The following TAMALIN variants were observed in gnomAD, a reference collection of about 807,000 sequenced individuals.
TAMALIN encodes protein TAMALIN.
In TAMALIN, 9 loss-of-function variants were observed where a neutral mutation model predicts 38.5. That is an observed-to-expected ratio of 0.23 (90% CI 0.14 to 0.41). The LOEUF is 0.41. Ranked by LOEUF, TAMALIN falls within the 10% of genes least tolerant of loss-of-function variation. The pLI, the probability that TAMALIN is intolerant of heterozygous loss-of-function variation, is 1.00. For missense variants in TAMALIN, 548 were observed against 554.1 expected (o/e 0.99, Z 0.11); for synonymous variants, 306 against 256.5 (o/e 1.19, Z -1.85).
Position 52,007,229 on chromosome 12 carries a change from G to C in TAMALIN, c.210G>C (p.Ala70=). The C allele has an allele frequency of 7.0e-7, 1 of 1,432,386 alleles. No homozygotes were observed. Among genetic ancestry groups the C allele is most frequent in the Non-Finnish European group, 9.1e-7 (1 of 1,097,980 alleles). 88.7% of individuals were successfully genotyped at this position (1,432,386 alleles called of 1,614,324 possible). A position where few individuals can be genotyped will look rare whatever the true frequency, so the allele number is the denominator to read the frequency against. ...ATCACCCTGCCGAGCTGTACCGCGC[G>C]CTCGCCGTGTCCGGGGGCACCCTGC... ...EDYHPAELYR[A]LAVSGGTLPR... Residue 70 remains alanine, a synonymous_variant, in exon 1 of 8, where the codon GCG becomes GCC. Transcript: ENST00000293662. The surrounding 1 kb of genome is among the most constrained non-coding windows in gnomAD (Gnocchi z 6.7).
chr12:52,010,378 G>A (rs1010218999), intron 2 of TAMALIN: 7 of 341,666 alleles, frequency 2.0e-5, no homozygotes, highest in Admixed American at 5.8e-5. Context: ...GGGAAGGGGC[G>A]GCCTCGAGGC....
At position 52,015,103 on chromosome 12, in the gene TAMALIN, C is replaced by T; in HGVS notation, c.1092C>T (p.Gly364=). The change falls in exon 8 of 8, where the codon GGC becomes GGT. Residue 364 remains glycine (G), a synonymous_variant. Transcript: ENST00000293662. The stretch of plus-strand genomic sequence containing the variant: ...GCGAGCAGGCCCTATGCGGCCCCGG[C>T]CTGCGCAAAACCAAGTACCGCAGCT... ...EAREQALCGP[G]LRKTKYRSFR... is the part of the protein sequence containing the mutation. 6.4e-7 allele frequency: 1 copy of T among 1,570,360 alleles called. No homozygotes were observed. The highest frequency in any genetic ancestry group is 2.3e-5 in the East Asian group (1 of 43,484).
rs1460906372 is a variant in TAMALIN, at chr12:52,014,188, G to C, written c.669G>C (p.Gln223His). The change falls in exon 7 of 8, where the codon CAG becomes CAC. Residue 223 changes from glutamine (Q) to histidine (H), a missense_variant. Transcript: ENST00000293662. ...ACAGGTCCCTAATGGTGCAGGAGCA[G>C]CGGCTGGTGCATGGTGAGTAGATCC... is the stretch of plus-strand genomic sequence containing the variant. ...GEYRSLMVQE[Q>H]RLVHGLVVKD... 1.2e-6 allele frequency: 2 copies of C among 1,601,348 alleles called. No individual in the cohort carries two copies. Among genetic ancestry groups the C allele is most frequent in the South Asian group, 2.3e-5 (2 of 88,816 alleles).
intron 2 of TAMALIN, 174 bp from the exon 3 acceptor site, chr12:52,010,707 T>A: frequency 1.1e-6 from 1 of 937,278 alleles, no homozygotes; most frequent in East Asian, 2.6e-5. Flanking sequence ...ATGAGGCTGA[T>A]TTCAATTGGG....
At chr12:52,014,056 C>A in intron 6 of TAMALIN, 79 bp from the exon 7 acceptor site, 1 of 1,553,380 alleles carries the variant, frequency 6.4e-7, no homozygotes, top group African/African-American at 1.4e-5. Flanking sequence ...TTTGTCTACT[C>A]CCTGATCCCT....
chr12:52,014,003 G>C (rs543477430), intron 6 of TAMALIN, 60 bp downstream of exon 6: 6 of 1,577,262 alleles, frequency 3.8e-6, no homozygotes, highest in African/African-American at 1.3e-5. Flanking sequence ...TCTGCCCTGT[G>C]GGGGGTCACT....
chr12:52,014,994 T>A lies in TAMALIN; in HGVS notation c.983T>A (p.Leu328Gln). The A allele has an allele frequency of 1.0e-6, 1 of 1,000,252 alleles. No individual in the cohort carries two copies. Among genetic ancestry groups the A allele is most frequent in the Non-Finnish European group, 1.2e-6 (1 of 836,790 alleles). The allele number at this position is 1,000,252 out of a possible 1,614,324, so 62.0% of individuals were successfully genotyped here. ...CCGGGCCCTGGGCCGCGGGCCGCGC[T>A]GAGCCGCAGCGCCAGTGTGCGGTGC... ...VGPGPGPRAALSRSASVRCAG... is the reference protein window; with the variant it reads ...VGPGPGPRAAQSRSASVRCAG... The change falls in exon 8 of 8, where the codon CTG (leucine) becomes CAG (glutamine). Residue 328 changes from leucine (L) to glutamine (Q), a missense_variant. This residue lies in a region of TAMALIN where 415 missense variants were observed against 417.0 expected (regional missense o/e 1.00). Transcript: ENST00000293662.
intron 6 of TAMALIN, 73 bp downstream of exon 6, chr12:52,014,016 C>T (rs2120856174): frequency 6.4e-7 from 1 of 1,554,434 alleles, no homozygotes. Context: ...GGGTCACTTA[C>T]AGCTGAATCT....
In TAMALIN at chr12:52,014,782, G is replaced by C. The variant is rs1937750428; in HGVS notation, c.771G>C (p.Leu257=). ...LYGAGLLPGS[L]PFGPLLAVPG... ...GCGCGGGCCTGCTCCCGGGCTCGCT[G>C]CCCTTCGGGCCTCTGCTCGCCGTGC... Residue 257 remains leucine, a synonymous_variant, in exon 8 of 8, where the codon CTG becomes CTC. Coordinates refer to ENST00000293662, the MANE Select transcript of TAMALIN (RefSeq NM_181711.4). 2.1e-6 allele frequency: 3 copies of C among 1,449,414 alleles called. 1 individual carries two copies. The Admixed American group carries it at 8.1e-5, about 39-fold the overall frequency. The allele number at this position is 1,449,414 out of a possible 1,614,324, so 89.8% of individuals were successfully genotyped here. A position where few individuals can be genotyped will look rare whatever the true frequency, so the allele number is the denominator to read the frequency against.
intron 4 of TAMALIN, among the ~76,000 whole-genome samples, chr12:52,012,885 G>A (rs1419559218): frequency 6.6e-6 from 1 of 152,138 alleles, no homozygotes; most frequent in East Asian, 1.9e-4. Flanking sequence ...ACCACCAGAG[G>A]CTGGACTGAT....
intron 4 of TAMALIN, 44 bp from the exon 5 acceptor site, chr12:52,013,643 G>A: frequency 6.4e-7 from 1 of 1,560,084 alleles, no homozygotes; most frequent in East Asian, 2.2e-5. Context: ...TGGTATTCTA[G>A]CATGCCCCAT....
chr12:52,007,910 G>A lies in TAMALIN; in HGVS notation c.246+645G>A, dbSNP rs1942442178. On this transcript the variant is annotated intron_variant, in intron 1 of 7. Coordinates refer to ENST00000293662, the MANE Select transcript of TAMALIN (RefSeq NM_181711.4). This position sits in a 1 kb window ranked among gnomAD's most constrained non-coding sequence, Gnocchi z 6.7. ...CCGCGGGGCAGGAAGGATGCGGGCC[G>A]CGCCCACCTCTGAGTCCCCTCTGCC... 4 of 985,288 alleles carry A rather than the reference G, an allele frequency of 4.1e-6. No individual in the cohort carries two copies. The highest frequency in any genetic ancestry group is 4.8e-6 in the Non-Finnish European group (4 of 829,908). The allele number at this position is 985,288 out of a possible 1,614,324, so 61.0% of individuals were successfully genotyped here. A position where few individuals can be genotyped will look rare whatever the true frequency, so the allele number is the denominator to read the frequency against.
At chr12:52,009,102 G>C (rs1470040967) in intron 1 of TAMALIN, 88 bp from the exon 2 acceptor site, 1 of 1,255,674 alleles carries the variant, frequency 8.0e-7, no homozygotes, top group African/African-American at 1.5e-5. Flanking sequence ...CAGACAGGAA[G>C]TGGGTCGCTG....
Position 52,007,094 on chromosome 12 carries a change from T to C in TAMALIN, c.75T>C (p.Thr25=). 6.8e-7 allele frequency: 1 copy of C among 1,479,874 alleles called. No homozygotes were observed. Among genetic ancestry groups the C allele is most frequent in the Admixed American group, 2.4e-5 (1 of 42,000 alleles). 91.7% of individuals were successfully genotyped at this position (1,479,874 alleles called of 1,614,324 possible). ...CCACCCCGGACCCCGCCGCCCGGAC[T>C]CCCGACTCGGAAGTCGCGCCCGCCG... is the stretch of plus-strand genomic sequence containing the variant. ...AAATPDPAAR[T]PDSEVAPAAP... Residue 25 remains threonine, a synonymous_variant, in exon 1 of 8, where the codon ACT becomes ACC. Transcript: ENST00000293662. The surrounding 1 kb of genome is among the most constrained non-coding windows in gnomAD (Gnocchi z 6.7).
Position 52,007,096 on chromosome 12 carries a change from C to T in TAMALIN, c.77C>T (p.Pro26Leu). ...AATPDPAART[P>L]DSEVAPAAPV... The stretch of plus-strand genomic sequence containing the variant: ...ACCCCGGACCCCGCCGCCCGGACTC[C>T]CGACTCGGAAGTCGCGCCCGCCGCT... Residue 26 changes from proline (P) to leucine (L), a missense_variant, in exon 1 of 8, where the codon CCC (proline) becomes CTC (leucine). By Grantham distance (98) the Pro-to-Leu change is moderately conservative (BLOSUM62 -3). Coordinates refer to ENST00000293662, the MANE Select transcript of TAMALIN (RefSeq NM_181711.4). The surrounding 1 kb of genome is among the most constrained non-coding windows in gnomAD (Gnocchi z 6.7). 3 of 1,482,048 alleles carry T rather than the reference C, an allele frequency of 2.0e-6. No individual in the cohort carries two copies. The highest frequency in any genetic ancestry group is 2.6e-5 in the South Asian group (2 of 77,636). 91.8% of individuals were successfully genotyped at this position (1,482,048 alleles called of 1,614,324 possible).
Position 52,010,943 on chromosome 12 carries a change from A to G in TAMALIN, c.351+8A>G. 1 of 1,614,086 alleles carries G rather than the reference A, an allele frequency of 6.2e-7. No individual in the cohort carries two copies. The highest frequency in any genetic ancestry group is 2.2e-5 in the East Asian group (1 of 44,884). ...TTCGGCTTTGAGATCCAGGTGGGAG[A>G]AGCTGCACACAGGGGTCAGGGGGGT... On this transcript the variant is annotated splice_region_variant and intron_variant, in intron 3 of 7. Transcript: ENST00000293662.
At chr12:52,008,298 T>G in intron 1 of TAMALIN, 1 of 985,306 alleles carries the variant, frequency 1.0e-6, no homozygotes, top group Non-Finnish European at 1.2e-6. Flanking sequence ...AAAGGGCTGC[T>G]CTGGGACTGG....
At chr12:52,009,120 G>T (rs1484757472) in intron 1 of TAMALIN, 70 bp from the exon 2 acceptor site, 3 of 1,479,408 alleles carry the variant, frequency 2.0e-6, no homozygotes, top group Non-Finnish European at 2.8e-6. Context: ...CTGTGTCCAG[G>T]GTAACCTCTC....
rs1202885091 is a variant in TAMALIN, at chr12:52,011,440, G to C, written c.454+299G>C. 1.0e-5 allele frequency: 6 copies of C among 585,380 alleles called. No individual in the cohort carries two copies. The Admixed American group carries it at 1.5e-4, about 15-fold the overall frequency. 36.3% of individuals were successfully genotyped at this position (585,380 alleles called of 1,614,324 possible). On this transcript the variant is annotated intron_variant, in intron 4 of 7. Transcript: ENST00000293662. The surrounding 1 kb of genome is among the most constrained non-coding windows in gnomAD (Gnocchi z 5.3). ...CTAATTAATGGTGGATGATGCTGCT[G>C]CTGCTCTGATTCCTCCCAGCAACCC... is the stretch of plus-strand genomic sequence containing the variant.
Sources: gnomAD v4.1 joint callset for allele counts (sites outside exome capture counted in the v4.1 genomes callset) on GRCh38, gnomAD v4.1.1 for gene constraint, gnomAD v4.1.1 regional missense constraint, Gnocchi (gnomAD v3.1) non-coding constraint, MANE v1.5 for transcripts, NCBI Gene and HGNC (gene_info 2026-07-23, HGNC 2026-07-21) for gene names.